TRAPPC12: variants seen among roughly 807,000 people sequenced by gnomAD.
TRAPPC12 encodes TPR repeat protein 15.
TRAPPC12 carries 61 observed loss-of-function variants against 69.2 expected under a neutral mutation model. The ratio of observed to expected loss-of-function variants is 0.88; its 90% CI spans 0.72 to 1.09. The LOEUF (loss-of-function observed/expected upper bound fraction) is 1.09, where lower values mean the gene tolerates loss of function less well. TRAPPC12 is among the 50% of genes least tolerant of loss of function. The pLI is 0.00. For missense variants in TRAPPC12, 1,101 were observed against 1,016.4 expected, an observed-to-expected ratio of 1.08 and a Z score of -1.13; for synonymous variants, 469 against 438.9, an observed-to-expected ratio of 1.07 and a Z score of -0.86.
chr2:3,457,295 A>C, intron 6 of TRAPPC12: 1 of 326,146 alleles, frequency 3.1e-6, no homozygotes, highest in Non-Finnish European at 5.8e-6. Flanking sequence ...CAGTGGGGGG[A>C]GGGTGGGATG....
intron 9 of TRAPPC12, chr2:3,466,128 C>T (rs898653507): frequency 4.9e-6 from 2 of 405,282 alleles, no homozygotes; most frequent in African/African-American, 2.1e-5. Context: ...GCACAAAGCT[C>T]GGCAGGACCC....
intron 6 of TRAPPC12, 92 bp from the exon 7 acceptor site, chr2:3,457,529 A>G: frequency 1.1e-6 from 1 of 949,662 alleles, no homozygotes; most frequent in Non-Finnish European, 1.7e-6. Flanking sequence ...TTTCATCCAG[A>G]GAAATTTGCT....
rs374582702 is a variant in TRAPPC12, at chr2:3,479,226, A to G, written c.1973A>G (p.Asn658Ser). ...GCGTGTGCTCCTCCCTAGGCCAACA[A>G]CAACGCTGCCGTGTGTCTGCTCTAC... ...RMDPRNAVAN[N>S]NAAVCLLYLG... The change falls in exon 12 of 12, where the codon AAC becomes AGC. Residue 658 changes from asparagine to serine, a missense_variant. Transcript: ENST00000324266. 21 of 1,613,250 alleles carry G rather than the reference A, an allele frequency of 1.3e-5. 1 individual carries two copies. In the African/African-American group the frequency reaches 1.7e-4, roughly 13 times the overall value.
intron 8 of TRAPPC12, chr2:3,460,911 C>T: frequency 1.3e-5 from 2 of 153,282 alleles, no homozygotes; most frequent in Non-Finnish European, 2.9e-5. Context: ...GAACGCACCC[C>T]ACACCTGGCT....
At chr2:3,457,947 C>T (rs1363681472) in intron 7 of TRAPPC12, 25 of 1,370,328 alleles carry the variant, frequency 1.8e-5, no homozygotes, top group South Asian at 1.5e-4. Flanking sequence ...CAAAAGCACA[C>T]GGCCCGGAAC....
intron 6 of TRAPPC12, chr2:3,457,273 A>T (rs1665203346): frequency 2.7e-6 from 1 of 370,024 alleles, no homozygotes; most frequent in Non-Finnish European, 5.3e-6. Flanking sequence ...CAAAAAATAG[A>T]CCAGAGACTA....
chr2:3,427,272 C>A (rs1663159892), intron 5 of TRAPPC12, among the ~76,000 whole-genome samples: 1 of 152,198 alleles, frequency 6.6e-6, no homozygotes. Flanking sequence ...GGTTCATAGT[C>A]CCGGGAGGGG....
rs1395414698 is a variant in TRAPPC12, at chr2:3,445,253, C to T, written c.1530+1362C>T. ...GCATACTACAGGCTGGGTACAGGGG[C>T]TCATGCCTGTAATCCCAGCTACTTG... On this transcript the variant is annotated intron_variant, in intron 6 of 11. Transcript: ENST00000324266. 3.9e-5 allele frequency among the ~76,000 whole-genome samples: 6 copies of T among 152,234 alleles called. No homozygotes were observed. In the East Asian group the frequency reaches 9.7e-4, roughly 24 times the overall value.
At chr2:3,448,309 A>G (rs1664628413) in intron 6 of TRAPPC12, among the ~76,000 whole-genome samples, 1 of 152,120 alleles carries the variant, frequency 6.6e-6, no homozygotes, top group Non-Finnish European at 1.5e-5. Flanking sequence ...GACCATCAGG[A>G]TTGTGGTTTT....
At chr2:3,436,566 A>G (rs948082379) in intron 5 of TRAPPC12, among the ~76,000 whole-genome samples, 2 of 152,188 alleles carry the variant, frequency 1.3e-5, no homozygotes, top group Admixed American at 6.5e-5. Context: ...ATTATAATTG[A>G]TAAACCAATA....
Position 3,477,685 on chromosome 2 carries a change from G to C in TRAPPC12, c.1777-10G>C, listed in dbSNP as rs1346127887. Reference sequence around the variant, plus strand: ...TTGTCAACTAAACTGACTAAATTTTGTCAAAGCAGATTGGAGACATAAAAA... The same window carrying C: ...TTGTCAACTAAACTGACTAAATTTTCTCAAAGCAGATTGGAGACATAAAAA... On this transcript the variant is annotated splice_polypyrimidine_tract_variant and intron_variant, in intron 9 of 11. Coordinates refer to ENST00000324266, the MANE Select transcript of TRAPPC12 (RefSeq NM_016030.6). 3.2e-6 allele frequency: 5 copies of C among 1,583,000 alleles called. No individual in the cohort carries two copies. The South Asian group carries it at 5.8e-5, about 18-fold the overall frequency.
chr2:3,478,466 C>T (rs775072584), intron 10 of TRAPPC12, among the ~76,000 whole-genome samples: 15 of 152,120 alleles, frequency 9.9e-5, no homozygotes, highest in Non-Finnish European at 2.1e-4. Flanking sequence ...AACCCCATCT[C>T]TACTAAAAAT....
intron 9 of TRAPPC12, among the ~76,000 whole-genome samples, chr2:3,476,492 C>T (rs765374122): frequency 6.6e-6 from 1 of 152,216 alleles, no homozygotes; most frequent in Non-Finnish European, 1.5e-5. Context: ...ATCCTTGCTA[C>T]TGGGAGGCGA....
chr2:3,425,678 T>A (rs1308050011), intron 5 of TRAPPC12, among the ~76,000 whole-genome samples: 1 of 152,180 alleles, frequency 6.6e-6, no homozygotes, highest in Admixed American at 6.5e-5. Flanking sequence ...ATTGTCAGCA[T>A]TTGTTGGCTG....
intron 6 of TRAPPC12, among the ~76,000 whole-genome samples, chr2:3,450,732 A>C (rs1664809153): frequency 6.6e-6 from 1 of 152,138 alleles, no homozygotes; most frequent in Non-Finnish European, 1.5e-5. Context: ...GTCTCTCCAG[A>C]ACAGAGCTGC....
chr2:3,404,100 G>A (rs1481388764), intron 3 of TRAPPC12, among the ~76,000 whole-genome samples: 2 of 152,110 alleles, frequency 1.3e-5, no homozygotes, highest in Admixed American at 6.5e-5. Flanking sequence ...ACGCTGACCG[G>A]GCCACCTGGA....
In TRAPPC12 at chr2:3,470,829, T is replaced by C. The variant is rs183746063; in HGVS notation, c.1776+5134T>C. Among the ~76,000 whole-genome samples the C allele has an allele frequency of 3.3e-4, 51 of 152,326 alleles. No individual in the cohort carries two copies. The East Asian group carries it at 9.8e-3, about 29-fold the overall frequency. On this transcript the variant is annotated intron_variant, in intron 9 of 11. Transcript: ENST00000324266. ...AAAATGATTTTGCTAAAACAAAATATGCAGACACCTTTGGGAAAACGTGCT... is the reference window on the plus strand; with the variant it reads ...AAAATGATTTTGCTAAAACAAAATACGCAGACACCTTTGGGAAAACGTGCT...
intron 2 of TRAPPC12, among the ~76,000 whole-genome samples, chr2:3,395,710 G>A (rs1026658736): frequency 2.0e-5 from 3 of 150,090 alleles, no homozygotes; most frequent in African/African-American, 4.9e-5. Context: ...CTACAGGCAC[G>A]CACCACCACG....
At chr2:3,457,363 T>C (rs954382748) in intron 6 of TRAPPC12, 3 of 493,414 alleles carry the variant, frequency 6.1e-6, no homozygotes, top group Non-Finnish European at 1.1e-5. Flanking sequence ...GGGTGATGGC[T>C]TCAATCGTAC....
Sources: gnomAD v4.1 joint callset for allele counts (sites outside exome capture counted in the v4.1 genomes callset) on GRCh38, gnomAD v4.1.1 for gene constraint, MANE v1.5 for transcripts, NCBI Gene and HGNC (gene_info 2026-07-23, HGNC 2026-07-21) for gene names.